TAFA5: variants seen among roughly 807,000 people sequenced by gnomAD.
The protein encoded by TAFA5 is chemokine-like protein TAFA-5.
Under a neutral mutation model 15.3 loss-of-function variants are expected in TAFA5, and 6 were observed. The ratio of observed to expected loss-of-function variants is 0.39; its 90% CI spans 0.21 to 0.77. The LOEUF is 0.77. Ranked by LOEUF, TAFA5 falls within the 30% of genes least tolerant of loss-of-function variation. The pLI, the probability that TAFA5 is intolerant of heterozygous loss-of-function variation, is 0.41. For missense variants in TAFA5, 161 were observed against 193.1 expected (o/e 0.83, Z 0.98); for synonymous variants, 103 against 80.7 (o/e 1.28, Z -1.48).
intron 1 of TAFA5, among the ~76,000 whole-genome samples, chr22:48,629,311 A>G (rs1460530996): frequency 6.6e-6 from 1 of 152,012 alleles, no homozygotes; most frequent in African/African-American, 2.4e-5. Context: ...CTCAGGAAGG[A>G]CAGAGGCGGA....
At chr22:48,688,102 G>T (rs946407728) in intron 2 of TAFA5, among the ~76,000 whole-genome samples, 2 of 150,338 alleles carry the variant, frequency 1.3e-5, no homozygotes, top group Non-Finnish European at 3.0e-5. Flanking sequence ...GTGTTTTGGG[G>T]TTTTTTTTTC....
At chr22:48,612,165 T>G (rs1185730565) in intron 1 of TAFA5, among the ~76,000 whole-genome samples, 2 of 152,138 alleles carry the variant, frequency 1.3e-5, no homozygotes, top group African/African-American at 4.8e-5. Context: ...CTTCCTCCCC[T>G]GGGTGGCTCA....
chr22:48,523,136 C>T (rs890304748), intron 1 of TAFA5, among the ~76,000 whole-genome samples: 1 of 152,196 alleles, frequency 6.6e-6, no homozygotes, highest in Admixed American at 6.5e-5. Context: ...CACGGGCCTC[C>T]ATCTCCTCCC....
At chr22:48,595,498 C>A (rs991106676) in intron 1 of TAFA5, among the ~76,000 whole-genome samples, 2 of 152,222 alleles carry the variant, frequency 1.3e-5, no homozygotes, top group African/African-American at 4.8e-5. Flanking sequence ...TGAGGAGCTC[C>A]CTGATCAGAA....
chr22:48,631,386 G>A (rs1020404037), intron 1 of TAFA5, among the ~76,000 whole-genome samples: 10 of 152,208 alleles, frequency 6.6e-5, no homozygotes, highest in Admixed American at 3.3e-4. Context: ...AGGGACTGAC[G>A]TAGACAGGCC....
intron 1 of TAFA5, among the ~76,000 whole-genome samples, chr22:48,509,747 C>G (rs1051067828): frequency 6.6e-6 from 1 of 151,858 alleles, no homozygotes; most frequent in Non-Finnish European, 1.5e-5. Context: ...GTCAGAAGAT[C>G]GAGACCATCC....
intron 2 of TAFA5, among the ~76,000 whole-genome samples, chr22:48,696,599 C>T (rs6010593): frequency 2.8e-4 from 43 of 152,348 alleles, no homozygotes; most frequent in African/African-American, 9.6e-4. Flanking sequence ...CCCCCAACTG[C>T]AGAGCTAGGT....
chr22:48,594,305 G>A (rs1204048310), intron 1 of TAFA5, among the ~76,000 whole-genome samples: 1 of 152,200 alleles, frequency 6.6e-6, no homozygotes, highest in Non-Finnish European at 1.5e-5. Flanking sequence ...GATGGGCGAG[G>A]AGAGAAATGG....
chr22:48,691,594 G>A (rs1601675734), intron 2 of TAFA5, among the ~76,000 whole-genome samples: 1 of 152,332 alleles, frequency 6.6e-6, no homozygotes, highest in Non-Finnish European at 1.5e-5. Flanking sequence ...GGCAACGGAG[G>A]ACGCGCCAGG....
intron 2 of TAFA5, among the ~76,000 whole-genome samples, chr22:48,686,799 A>G (rs1403792917): frequency 2.7e-5 from 4 of 149,016 alleles, no homozygotes; most frequent in Non-Finnish European, 5.9e-5. Flanking sequence ...AGACAAGTGG[A>G]TGGATGGATG....
At chr22:48,503,780 G>T (rs769524208) in intron 1 of TAFA5, among the ~76,000 whole-genome samples, 10 of 152,198 alleles carry the variant, frequency 6.6e-5, no homozygotes, top group Non-Finnish European at 1.2e-4. Context: ...AAAGTCCCAA[G>T]TGCCATTGTC....
Position 48,629,444 on chromosome 22 carries a change from C to A in TAFA5, c.113-17153C>A, listed in dbSNP as rs28663670. On this transcript the variant is annotated intron_variant, in intron 1 of 3. Transcript: ENST00000402357. ...GCCCCCCTCCGGATGCCCCACAGTC[C>A]ACAGCTCCCTGGGCCCCAACCCTCG... 6.3e-3 allele frequency among the ~76,000 whole-genome samples: 954 copies of A among 152,340 alleles called. 6 individuals are homozygous for A. The highest frequency in any genetic ancestry group is 0.022 in the African/African-American group (909 of 41,580).
At chr22:48,622,964 T>G (rs2147183536) in intron 1 of TAFA5, among the ~76,000 whole-genome samples, 1 of 152,358 alleles carries the variant, frequency 6.6e-6, no homozygotes, top group South Asian at 2.1e-4. Flanking sequence ...CCTTGTTCTG[T>G]GGACACTTCG....
intron 1 of TAFA5, among the ~76,000 whole-genome samples, chr22:48,628,305 G>C (rs748173718): frequency 6.6e-6 from 1 of 152,228 alleles, no homozygotes; most frequent in African/African-American, 2.4e-5. Flanking sequence ...TGTCAGAGGA[G>C]CCCCTGCCTT....
At chr22:48,644,117 T>G (rs1319766251) in intron 1 of TAFA5, among the ~76,000 whole-genome samples, 2 of 152,128 alleles carry the variant, frequency 1.3e-5, no homozygotes, top group African/African-American at 2.4e-5. Flanking sequence ...TTCATCCACT[T>G]CTTCTCTTGC....
At chr22:48,685,209 A>G (rs1928316843) in intron 2 of TAFA5, among the ~76,000 whole-genome samples, 3 of 152,220 alleles carry the variant, frequency 2.0e-5, no homozygotes, top group Admixed American at 2.0e-4. Context: ...GTCAGTAAAA[A>G]GGAATGCTGG....
intron 2 of TAFA5, among the ~76,000 whole-genome samples, chr22:48,699,380 A>T (rs1928832428): frequency 6.6e-6 from 1 of 152,198 alleles, no homozygotes; most frequent in African/African-American, 2.4e-5. Context: ...GGCCTATTTA[A>T]AAGCAAACAC....
intron 1 of TAFA5, among the ~76,000 whole-genome samples, chr22:48,613,129 T>C (rs544818488): frequency 6.6e-6 from 1 of 152,302 alleles, no homozygotes; most frequent in East Asian, 1.9e-4. Context: ...TATGCTAACA[T>C]CAATGCTGGA....
intron 1 of TAFA5, among the ~76,000 whole-genome samples, chr22:48,492,023 A>G (rs1344161222): frequency 6.6e-6 from 1 of 152,196 alleles, no homozygotes; most frequent in African/African-American, 2.4e-5. Context: ...GACACACCCC[A>G]TTACACCAGA....
Sources: gnomAD v4.1 joint callset for allele counts (sites outside exome capture counted in the v4.1 genomes callset) on GRCh38, gnomAD v4.1.1 for gene constraint, MANE v1.5 for transcripts, NCBI Gene and HGNC (gene_info 2026-07-23, HGNC 2026-07-21) for gene names.